SAMMSON: variants seen among roughly 807,000 people sequenced by gnomAD.
SAMMSON encodes the protein long intergenic non-protein coding RNA 1212.
At position 70,309,741 on chromosome 3, in the gene SAMMSON, T is replaced by C. The variant is rs1168157144; in HGVS notation, n.739+18498T>C. 1.3e-5 allele frequency among the ~76,000 whole-genome samples: 2 copies of C among 152,214 alleles called. 1 individual carries two copies. ...ATCCTGATAATTCCCAATTAAGATG[T>C]TGTCATCTAGCATCTGGCTCAATTT... On this transcript the variant is annotated intron_variant and non_coding_transcript_variant, in intron 7 of 9. Coordinates refer to ENST00000642114, the Ensembl canonical transcript of SAMMSON.
At chr3:70,239,289 TCA>T (rs151003761) in intron 4 of SAMMSON, among the ~76,000 whole-genome samples, 5,101 of 152,290 alleles carry the variant, frequency 0.033, 103 homozygotes, top group South Asian at 0.11. Flanking sequence ...CAAATGGTTT[TCA>T]CAGTTTCTTT....
intron 4 of SAMMSON, among the ~76,000 whole-genome samples, chr3:70,232,326 A>C (rs2106745555): frequency 6.6e-6 from 1 of 152,050 alleles, no homozygotes; most frequent in South Asian, 2.1e-4. Context: ...CTTTATCCTC[A>C]TGATCAGTGC....
chr3:70,025,948 G>A (rs750424555), intron 3 of SAMMSON, among the ~76,000 whole-genome samples: 3 of 152,136 alleles, frequency 2.0e-5, no homozygotes, highest in Non-Finnish European at 4.4e-5. Flanking sequence ...CTGAGGAGGA[G>A]GAGGAAGAGG....
chr3:70,147,642 A>G (rs1474375191), intron 4 of SAMMSON, among the ~76,000 whole-genome samples: 2 of 152,124 alleles, frequency 1.3e-5, no homozygotes, highest in Non-Finnish European at 2.9e-5. Context: ...CATACCTTAT[A>G]TAAACATTAA....
intron 4 of SAMMSON, among the ~76,000 whole-genome samples, chr3:70,196,598 C>A (rs1032189008): frequency 6.6e-6 from 1 of 152,150 alleles, no homozygotes; most frequent in Admixed American, 6.5e-5. Flanking sequence ...ATAATGCAAG[C>A]TGATGAGTGC....
intron 3 of SAMMSON, among the ~76,000 whole-genome samples, chr3:70,036,187 A>G (rs1181680904): frequency 6.6e-6 from 1 of 152,184 alleles, no homozygotes; most frequent in African/African-American, 2.4e-5. Context: ...CAATAGTCCC[A>G]CACTTTCAGC....
intron 7 of SAMMSON, among the ~76,000 whole-genome samples, chr3:70,307,936 C>T (rs1439691419): frequency 6.6e-6 from 1 of 152,196 alleles, no homozygotes; most frequent in African/African-American, 2.4e-5. Flanking sequence ...TGCCTTTGCT[C>T]CCTGCATCAC....
At chr3:70,349,199 C>A (rs556264232) in intron 7 of SAMMSON, among the ~76,000 whole-genome samples, 1 of 152,094 alleles carries the variant, frequency 6.6e-6, no homozygotes, top group East Asian at 1.9e-4. Flanking sequence ...CATGGTGAAA[C>A]CCCATCTCTA....
chr3:70,329,459 C>T (rs1702604637), intron 7 of SAMMSON, among the ~76,000 whole-genome samples: 1 of 151,970 alleles, frequency 6.6e-6, no homozygotes, highest in Admixed American at 6.6e-5. Context: ...TTAGTAGCAA[C>T]TCAATCATGT....
At chr3:70,364,313 T>C (rs1230232437) in intron 9 of SAMMSON, among the ~76,000 whole-genome samples, 1 of 151,954 alleles carries the variant, frequency 6.6e-6, no homozygotes, top group Non-Finnish European at 1.5e-5. Context: ...TGTGTATTTG[T>C]GCATTTTAAC....
At chr3:70,388,611 C>G (rs1701006347) in intron 9 of SAMMSON, among the ~76,000 whole-genome samples, 1 of 152,080 alleles carries the variant, frequency 6.6e-6, no homozygotes, top group South Asian at 2.1e-4. Flanking sequence ...TGACTCAGTT[C>G]CAGCCTTTGC....
At chr3:70,182,722 A>G (rs1416157710) in intron 4 of SAMMSON, among the ~76,000 whole-genome samples, 1 of 152,176 alleles carries the variant, frequency 6.6e-6, no homozygotes, top group Non-Finnish European at 1.5e-5. Flanking sequence ...GAGATGGCAG[A>G]ACCGTTCTTA....
chr3:70,075,594 T>C (rs1164970860), intron 4 of SAMMSON, among the ~76,000 whole-genome samples: 3 of 152,298 alleles, frequency 2.0e-5, no homozygotes, highest in African/African-American at 7.2e-5. Context: ...GAAGTTATAG[T>C]TCAATTGGTT....
At chr3:70,407,488 G>T (rs1701185864) in intron 2 of SAMMSON, among the ~76,000 whole-genome samples, 1 of 152,146 alleles carries the variant, frequency 6.6e-6, no homozygotes, top group African/African-American at 2.4e-5. Flanking sequence ...AGAGAAATTG[G>T]CCAAAACAAA....
At chr3:70,207,840 G>A (rs1701306556) in intron 4 of SAMMSON, among the ~76,000 whole-genome samples, 1 of 151,880 alleles carries the variant, frequency 6.6e-6, no homozygotes, top group Non-Finnish European at 1.5e-5. Flanking sequence ...CGATATCTGT[G>A]GAGTCCTGGA....
At chr3:70,231,003 G>C (rs1036321695) in intron 4 of SAMMSON, among the ~76,000 whole-genome samples, 12 of 152,108 alleles carry the variant, frequency 7.9e-5, no homozygotes, top group African/African-American at 2.9e-4. Flanking sequence ...GACCCTCCAG[G>C]GCCTAGCAGC....
At chr3:70,406,778 T>TA (rs1469384741) in intron 2 of SAMMSON, among the ~76,000 whole-genome samples, 1 of 152,000 alleles carries the variant, frequency 6.6e-6, no homozygotes, top group African/African-American at 2.4e-5. Flanking sequence ...AACAACCACC[T>TA]AAAAAAGGCA....
At chr3:70,117,141 C>T (rs918120273) in intron 4 of SAMMSON, among the ~76,000 whole-genome samples, 1 of 152,158 alleles carries the variant, frequency 6.6e-6, no homozygotes. Flanking sequence ...AATAAAACAT[C>T]TTTTTATGTA....
chr3:70,276,292 A>G (rs1702025080), intron 6 of SAMMSON, among the ~76,000 whole-genome samples: 2 of 152,202 alleles, frequency 1.3e-5, no homozygotes, highest in South Asian at 2.1e-4. Flanking sequence ...CCAATTTTAT[A>G]TACTGTCATT....
Sources: allele counts gnomAD v4.1 joint callset (sites outside exome capture counted in the v4.1 genomes callset), GRCh38; gene constraint gnomAD v4.1.1; transcripts MANE v1.5; gene names NCBI Gene and HGNC (gene_info 2026-07-23, HGNC 2026-07-21).